Variants in ZNF385D observed in about 807,000 individuals in gnomAD.
ZNF385D encodes the protein zinc finger protein 385D.
ZNF385D carries 15 observed loss-of-function variants against 35.8 expected under a neutral mutation model. The observed-to-expected ratio is 0.42, with a 90% confidence interval of 0.28 to 0.64. ZNF385D has a LOEUF of 0.64. Ranked by LOEUF, ZNF385D falls within the 30% of genes least tolerant of loss-of-function variation. The pLI, the probability that ZNF385D is intolerant of heterozygous loss-of-function variation, is 0.23. For missense variants in ZNF385D, 474 were observed against 494.6 expected, an observed-to-expected ratio of 0.96 and a Z score of 0.39; for synonymous variants, 212 against 186.8, an observed-to-expected ratio of 1.13 and a Z score of -1.10.
intron 3 of ZNF385D, among the ~76,000 whole-genome samples, chr3:22,042,941 T>C (rs1698758200): frequency 6.6e-6 from 1 of 152,140 alleles, no homozygotes; most frequent in Non-Finnish European, 1.5e-5. Context: ...AAAATTCTAA[T>C]TTTCTCAACT....
At chr3:22,041,778 G>C (rs1343985089) in intron 3 of ZNF385D, among the ~76,000 whole-genome samples, 1 of 152,078 alleles carries the variant, frequency 6.6e-6, no homozygotes, top group Non-Finnish European at 1.5e-5. Context: ...ATTCAATTGA[G>C]ATTTATAAAT....
At chr3:22,002,893 C>T (rs934422702) in intron 3 of ZNF385D, among the ~76,000 whole-genome samples, 1 of 152,090 alleles carries the variant, frequency 6.6e-6, no homozygotes, top group East Asian at 1.9e-4. Flanking sequence ...GATAAAACAT[C>T]TCAACAAATT....
intron 3 of ZNF385D, among the ~76,000 whole-genome samples, chr3:21,869,664 A>T (rs1421965826): frequency 3.3e-5 from 5 of 152,040 alleles, no homozygotes; most frequent in Non-Finnish European, 5.9e-5. Flanking sequence ...AAATAGCGTA[A>T]CACAGTTAGC....
intron 3 of ZNF385D, among the ~76,000 whole-genome samples, chr3:21,535,242 A>T (rs551640056): frequency 1.3e-5 from 2 of 152,118 alleles, no homozygotes; most frequent in African/African-American, 4.8e-5. Context: ...AAAGTTGATA[A>T]AGCCTTTTTC....
intron 2 of ZNF385D, among the ~76,000 whole-genome samples, chr3:21,621,782 C>G (rs1167194690): frequency 1.3e-5 from 2 of 151,448 alleles, no homozygotes; most frequent in Admixed American, 6.6e-5. Context: ...CTGCTCTTAT[C>G]ACAAAAAGCT....
At chr3:21,940,082 C>G (rs1207937041) in intron 3 of ZNF385D, among the ~76,000 whole-genome samples, 1 of 152,040 alleles carries the variant, frequency 6.6e-6, no homozygotes, top group Non-Finnish European at 1.5e-5. Context: ...TATTTCTTCC[C>G]TGGGTCTTTT....
intron 4 of ZNF385D, among the ~76,000 whole-genome samples, chr3:21,483,646 G>A (rs9883288): frequency 0.086 from 13,144 of 152,036 alleles, 606 homozygotes; most frequent in African/African-American, 0.12. Context: ...ATAATGTGCT[G>A]ATTTGCATTT....
intron 3 of ZNF385D, among the ~76,000 whole-genome samples, chr3:22,095,365 C>A (rs1701562297): frequency 6.6e-6 from 1 of 151,788 alleles, no homozygotes; most frequent in African/African-American, 2.4e-5. Flanking sequence ...TTTTGGTATT[C>A]CATCATGATT....
intron 3 of ZNF385D, among the ~76,000 whole-genome samples, chr3:21,989,942 A>G (rs1281688875): frequency 6.6e-6 from 1 of 152,174 alleles, no homozygotes. Context: ...TCACACAAAG[A>G]TTTATGTGTA....
intron 2 of ZNF385D, among the ~76,000 whole-genome samples, chr3:22,200,465 G>C (rs1289017080): frequency 6.6e-6 from 1 of 152,068 alleles, no homozygotes; most frequent in Non-Finnish European, 1.5e-5. Flanking sequence ...CAGACATCAA[G>C]TACTTCACAA....
intron 3 of ZNF385D, among the ~76,000 whole-genome samples, chr3:21,872,952 G>C (rs776778205): frequency 2.6e-5 from 4 of 152,078 alleles, no homozygotes; most frequent in African/African-American, 4.8e-5. Flanking sequence ...TCCAAGACAG[G>C]ATGACACAAC....
intron 3 of ZNF385D, among the ~76,000 whole-genome samples, chr3:22,024,794 T>G (rs1697436517): frequency 5.3e-5 from 8 of 152,112 alleles, no homozygotes; most frequent in Admixed American, 5.2e-4. Flanking sequence ...GCTGGATGGT[T>G]GCTCCTAAGT....
chr3:21,496,539 C>CATATATATATACACATATATTTGATATAT (rs1705897743), intron 4 of ZNF385D, among the ~76,000 whole-genome samples: 1 of 92,432 alleles, frequency 1.1e-5, no homozygotes, highest in Admixed American at 1.5e-4. Flanking sequence ...ATATATATAT[C>CATATATATATACACATATATTTGATATAT]ATATATATAT....
chr3:22,008,477 C>G (rs1365095051), intron 3 of ZNF385D, among the ~76,000 whole-genome samples: 1 of 151,830 alleles, frequency 6.6e-6, no homozygotes, highest in Admixed American at 6.6e-5. Flanking sequence ...CCTCAGCCTC[C>G]CGAGTAGTAG....
intron 4 of ZNF385D, among the ~76,000 whole-genome samples, chr3:21,481,882 A>G (rs190185393): frequency 6.6e-6 from 1 of 152,182 alleles, no homozygotes; most frequent in Admixed American, 6.5e-5. Context: ...GAAGTCATAA[A>G]CTTCATAATC....
chr3:21,604,852 A>T (rs1020107425), intron 2 of ZNF385D, among the ~76,000 whole-genome samples: 10 of 152,194 alleles, frequency 6.6e-5, no homozygotes, highest in Non-Finnish European at 1.2e-4. Flanking sequence ...AATTTTTAAA[A>T]GTTAAGGAAA....
At chr3:21,767,360 T>C (rs546858288) in intron 3 of ZNF385D, among the ~76,000 whole-genome samples, 1 of 140,942 alleles carries the variant, frequency 7.1e-6, no homozygotes, top group East Asian at 2.1e-4. Flanking sequence ...CACTTGTCTC[T>C]GACAAATTTT....
intron 2 of ZNF385D, among the ~76,000 whole-genome samples, chr3:22,189,387 T>G (rs1055504464): frequency 6.6e-6 from 1 of 152,148 alleles, no homozygotes; most frequent in Non-Finnish European, 1.5e-5. Flanking sequence ...AACCAGAGCC[T>G]AACACAAATA....
At chr3:22,135,718 C>T (rs1466179366) in intron 3 of ZNF385D, among the ~76,000 whole-genome samples, 2 of 152,066 alleles carry the variant, frequency 1.3e-5, no homozygotes, top group Non-Finnish European at 2.9e-5. Flanking sequence ...CCAAATTACC[C>T]ACTGTTAAGA....
Sources: allele counts gnomAD v4.1 joint callset (sites outside exome capture counted in the v4.1 genomes callset), GRCh38; gene constraint gnomAD v4.1.1; transcripts MANE v1.5; gene names NCBI Gene and HGNC (gene_info 2026-07-23, HGNC 2026-07-21).